The following SYT14 variants were observed in gnomAD, a reference collection of about 807,000 sequenced individuals.
SYT14 encodes synaptotagmin-14.
In SYT14, 32 loss-of-function variants were observed where a neutral mutation model predicts 74.2. The observed-to-expected ratio is 0.43, with a 90% CI of 0.33 to 0.58. The LOEUF (loss-of-function observed/expected upper bound fraction) is 0.58, where lower values mean the gene tolerates loss of function less well. SYT14 is among the 20% of genes least tolerant of loss of function. The pLI, the probability that SYT14 is intolerant of heterozygous loss-of-function variation, is 0.05. For synonymous variants in SYT14, 298 were observed against 337.7 expected (o/e 0.88, Z 1.29); for missense variants, 791 against 981.8 (o/e 0.81, Z 2.60).
At chr1:210,153,585 T>C (rs1019556436) in intron 7 of SYT14, among the ~76,000 whole-genome samples, 7 of 152,314 alleles carry the variant, frequency 4.6e-5, no homozygotes, top group Middle Eastern at 3.4e-3. Flanking sequence ...GCTTCTGATA[T>C]ATAGTAATGT....
intron 1 of SYT14, among the ~76,000 whole-genome samples, chr1:209,940,531 A>T (rs1269300548): frequency 1.3e-5 from 2 of 152,180 alleles, no homozygotes; most frequent in Non-Finnish European, 2.9e-5. Context: ...ATGCTAAGAG[A>T]TGGATCATCT....
intron 7 of SYT14, among the ~76,000 whole-genome samples, chr1:210,133,838 C>T (rs1368660673): frequency 8.1e-6 from 1 of 123,938 alleles, no homozygotes; most frequent in Non-Finnish European, 1.7e-5. Flanking sequence ...ATCTTATTTA[C>T]TCTTTTTTTT....
At chr1:210,115,128 G>C (rs1257901711) in intron 7 of SYT14, among the ~76,000 whole-genome samples, 1 of 150,426 alleles carries the variant, frequency 6.6e-6, no homozygotes, top group Non-Finnish European at 1.5e-5. Flanking sequence ...AATCGAAAGT[G>C]CCATTTTCTG....
chr1:209,973,637 T>G (rs961311964), intron 2 of SYT14, among the ~76,000 whole-genome samples: 5 of 152,220 alleles, frequency 3.3e-5, no homozygotes, highest in Non-Finnish European at 5.9e-5. Context: ...TGGTTCCAAG[T>G]CTTTGCTATT....
At chr1:210,064,788 G>A (rs373124070) in intron 5 of SYT14, among the ~76,000 whole-genome samples, 1 of 152,010 alleles carries the variant, frequency 6.6e-6, no homozygotes, top group South Asian at 2.1e-4. Context: ...CCTAGGAATA[G>A]AATTGTAGGG....
At chr1:210,081,269 T>A (rs1007942116) in intron 5 of SYT14, among the ~76,000 whole-genome samples, 2 of 152,158 alleles carry the variant, frequency 1.3e-5, no homozygotes, top group Non-Finnish European at 2.9e-5. Context: ...TATAATACTA[T>A]ATGATATGAA....
chr1:210,037,214 G>A (rs1218006721), intron 5 of SYT14, among the ~76,000 whole-genome samples: 1 of 151,948 alleles, frequency 6.6e-6, no homozygotes, highest in Non-Finnish European at 1.5e-5. Flanking sequence ...TAGTATGTAA[G>A]TGTAGAGATG....
chr1:210,015,063 TATAA>T (rs1483627969), intron 3 of SYT14, among the ~76,000 whole-genome samples: 1 of 142,476 alleles, frequency 7.0e-6, no homozygotes, highest in Admixed American at 6.6e-5. Flanking sequence ...TACATGTTAA[TATAA>T]ATATCATCTT....
In SYT14 at chr1:210,024,072, G is replaced by A. The variant is rs924722850; in HGVS notation, c.1312+2818G>A. 4.6e-5 allele frequency among the ~76,000 whole-genome samples: 7 copies of A among 152,296 alleles called. No individual in the cohort carries two copies. In the East Asian group the frequency reaches 1.4e-3, roughly 29 times the overall value. On this transcript the variant is annotated intron_variant, in intron 5 of 9. Transcript: ENST00000637265. ...AGAAATCCACTTGGCTCCAACATAG[G>A]TGCGTCTATACATATACATCTGAGG...
chr1:209,968,776 A>G (rs1028810904), intron 2 of SYT14, among the ~76,000 whole-genome samples: 1 of 150,234 alleles, frequency 6.7e-6, no homozygotes, highest in African/African-American at 2.5e-5. Flanking sequence ...CAAGGGGTAC[A>G]TGTGCAGGTT....
chr1:210,026,630 A>ACACG (rs1009231921), intron 5 of SYT14, among the ~76,000 whole-genome samples: 1 of 150,758 alleles, frequency 6.6e-6, no homozygotes, highest in African/African-American at 2.4e-5. Context: ...ACACACACAC[A>ACACG]CACACACACA....
At chr1:209,972,131 G>A (rs748992873) in intron 2 of SYT14, among the ~76,000 whole-genome samples, 1 of 152,034 alleles carries the variant, frequency 6.6e-6, no homozygotes, top group Non-Finnish European at 1.5e-5. Context: ...TATGTTTCCA[G>A]GGATTTATCC....
chr1:210,030,446 A>AC (rs1207774341), intron 5 of SYT14, among the ~76,000 whole-genome samples: 1 of 152,048 alleles, frequency 6.6e-6, no homozygotes, highest in Non-Finnish European at 1.5e-5. Flanking sequence ...GAGCTACTGC[A>AC]CCTGGTCTGA....
At chr1:210,099,471 A>G (rs1221655093) in intron 6 of SYT14, among the ~76,000 whole-genome samples, 5 of 152,106 alleles carry the variant, frequency 3.3e-5, no homozygotes, top group African/African-American at 1.2e-4. Flanking sequence ...TGAGACCTTT[A>G]TTTATAGTTT....
intron 7 of SYT14, among the ~76,000 whole-genome samples, chr1:210,136,336 GT>G (rs2082785744): frequency 6.6e-6 from 1 of 152,126 alleles, no homozygotes; most frequent in South Asian, 2.1e-4. Flanking sequence ...AGGGAACGGG[GT>G]CAGTGATTTT....
intron 1 of SYT14, among the ~76,000 whole-genome samples, chr1:209,943,270 G>A (rs1156882520): frequency 6.6e-6 from 1 of 151,948 alleles, no homozygotes; most frequent in African/African-American, 2.4e-5. Flanking sequence ...TTGGTAGGCC[G>A]AGGCGGGCAG....
intron 7 of SYT14, among the ~76,000 whole-genome samples, chr1:210,149,627 A>G (rs2083118961): frequency 2.0e-5 from 3 of 152,098 alleles, no homozygotes; most frequent in Admixed American, 1.3e-4. Context: ...GTTAATTTTT[A>G]GTGTTAATAT....
chr1:210,080,242 A>T (rs2081593625), intron 5 of SYT14, among the ~76,000 whole-genome samples: 1 of 152,208 alleles, frequency 6.6e-6, no homozygotes, highest in Admixed American at 6.5e-5. Context: ...TTAATTGTTT[A>T]GGCAATTTTG....
At chr1:209,986,054 G>A (rs955576667) in intron 2 of SYT14, among the ~76,000 whole-genome samples, 5 of 152,140 alleles carry the variant, frequency 3.3e-5, no homozygotes, top group African/African-American at 7.2e-5. Flanking sequence ...CATAGTATTG[G>A]GTATTAGTAC....
Sources: allele counts gnomAD v4.1 joint callset (sites outside exome capture counted in the v4.1 genomes callset), GRCh38; gene constraint gnomAD v4.1.1; transcripts MANE v1.5; gene names NCBI Gene and HGNC (gene_info 2026-07-23, HGNC 2026-07-21).